Variants in PCDHGB1 observed in about 807,000 individuals in gnomAD.
PCDHGB1 encodes protocadherin gamma-B1.
In PCDHGB1, 34 loss-of-function variants were observed where a neutral mutation model predicts 56.6. The observed-to-expected ratio is 0.60, with a 90% CI of 0.46 to 0.80. The LOEUF is 0.80. Ranked by LOEUF, PCDHGB1 falls within the 30% of genes least tolerant of loss-of-function variation. PCDHGB1 has a pLI of 0.00. For synonymous variants in PCDHGB1, 561 were observed against 505.9 expected, an observed-to-expected ratio of 1.11 and a Z score of -1.46; for missense variants, 1,278 against 1,204.6, an observed-to-expected ratio of 1.06 and a Z score of -0.90.
chr5:141,417,776 C>T (rs2096161387), intron 1 of PCDHGB1: 1 of 1,469,712 alleles, frequency 6.8e-7, no homozygotes, highest in South Asian at 1.4e-5. Context: ...CTCCTCCTGT[C>T]CTGGGCCGAA....
rs1318842373 is a variant in PCDHGB1 at position 141,361,452 on chromosome 5, C to T, written c.2409+8783C>T. 2.3e-5 allele frequency: 37 copies of T among 1,613,918 alleles called. 1 individual carries two copies. The highest frequency in any genetic ancestry group is 2.9e-5 in the Non-Finnish European group (34 of 1,179,910). On this transcript the variant is annotated intron_variant, in intron 1 of 3. Coordinates refer to ENST00000523390, the MANE Select transcript of PCDHGB1 (RefSeq NM_018922.3). The stretch of plus-strand genomic sequence containing the variant: ...CCCTCTCCTCCAGCATAATTGTCAC[C>T]CTGCACATCTCCGACGTCAACGATA...
rs765353257 is a variant in PCDHGB1 at position 141,431,824 on chromosome 5, G to A, written c.2410-62983G>A. On this transcript the variant is annotated intron_variant, in intron 1 of 3. Coordinates refer to ENST00000523390, the MANE Select transcript of PCDHGB1 (RefSeq NM_018922.3). The surrounding 1 kb of genome is among the most constrained non-coding windows in gnomAD (Gnocchi z 4.8). ...TGGTCCTCACCTCTCTCGCCAGCTC[G>A]GTTCCCGAAAACTCTCCCAGAGGGA... is the stretch of plus-strand genomic sequence containing the variant. The A allele has an allele frequency of 1.3e-5, 21 of 1,614,092 alleles. No homozygotes were observed. In the South Asian group the frequency reaches 2.1e-4, roughly 16 times the overall value.
At chr5:141,446,873 A>T (rs1324695415) in intron 1 of PCDHGB1, among the ~76,000 whole-genome samples, 1 of 152,132 alleles carries the variant, frequency 6.6e-6, no homozygotes, top group African/African-American at 2.4e-5. Flanking sequence ...CTACACTGGT[A>T]TGTTTTGGGG....
intron 1 of PCDHGB1, chr5:141,414,476 C>G (rs1242647918): frequency 6.2e-7 from 1 of 1,613,920 alleles, no homozygotes; most frequent in Non-Finnish European, 8.5e-7. Context: ...GGGGGAAGTC[C>G]TCCTCTATCA....
In PCDHGB1 at chr5:141,350,299, G is replaced by C. The variant is rs1758441627; in HGVS notation, c.39G>C (p.Gln13His). The C allele has an allele frequency of 6.6e-7, 1 of 1,519,662 alleles. No individual in the cohort carries two copies. Among genetic ancestry groups the C allele is most frequent in the African/African-American group, 1.4e-5 (1 of 71,742 alleles). The allele number at this position is 1,519,662 out of a possible 1,614,324, so 94.1% of individuals were successfully genotyped here. The stretch of plus-strand genomic sequence containing the variant: ...GAGAAGCCGAAATGATGAAAAGTCA[G>C]GTACTGTTTCCCTTCCTGCTGTCTT... ...RAREAEMMKS[Q>H]VLFPFLLSLF... Residue 13 changes from glutamine to histidine, a missense_variant, in exon 1 of 4, where the codon CAG becomes CAC. By Grantham distance (24) the Gln-to-His change is conservative (BLOSUM62 0). Coordinates refer to ENST00000523390, the MANE Select transcript of PCDHGB1 (RefSeq NM_018922.3).
chr5:141,494,792 C>A lies in PCDHGB1; in HGVS notation c.2410-15C>A. The A allele has an allele frequency of 6.2e-7, 1 of 1,614,132 alleles. No individual in the cohort carries two copies. Among genetic ancestry groups the A allele is most frequent in the East Asian group, 2.2e-5 (1 of 44,878 alleles). Reference sequence around the variant, plus strand: ...TCACGGGTACTCAGCCCCTTTCCCTCTGTTTTCTCCACAGCAAGCCCCGCC... The same window carrying A: ...TCACGGGTACTCAGCCCCTTTCCCTATGTTTTCTCCACAGCAAGCCCCGCC... On this transcript the variant is annotated splice_polypyrimidine_tract_variant and intron_variant, in intron 1 of 3. Transcript: ENST00000523390.
In PCDHGB1 at chr5:141,418,448, C is replaced by T. The variant is rs1240295197; in HGVS notation, c.2409+65779C>T. On this transcript the variant is annotated intron_variant, in intron 1 of 3. Transcript: ENST00000523390. ...TGGCAAATATCCAGAATTAGTATTG[C>T]AGAAGACTCTGGACCGAGAAACGCA... 1.9e-6 allele frequency: 3 copies of T among 1,613,850 alleles called. No homozygotes were observed. The African/African-American group carries it at 4.0e-5, about 22-fold the overall frequency.
rs775918752 is a variant in PCDHGB1 at position 141,375,143 on chromosome 5, A to G, written c.2409+22474A>G. On this transcript the variant is annotated intron_variant, in intron 1 of 3. Transcript: ENST00000523390. Reference sequence around the variant, plus strand: ...AGAAGTGGTTGTTACATCTGGAAGCAGAACAATTGCTGAAAGTGCACCTCC... The same window carrying G: ...AGAAGTGGTTGTTACATCTGGAAGCGGAACAATTGCTGAAAGTGCACCTCC... 20 of 1,613,992 alleles carry G rather than the reference A, an allele frequency of 1.2e-5. No homozygotes were observed. The Admixed American group carries it at 2.8e-4, about 23-fold the overall frequency.
chr5:141,460,430 G>T (rs1163518139), intron 1 of PCDHGB1, among the ~76,000 whole-genome samples: 2 of 152,110 alleles, frequency 1.3e-5, no homozygotes, highest in African/African-American at 4.8e-5. Flanking sequence ...ATGGTGTATG[G>T]TGTGAGGTAA....
intron 1 of PCDHGB1, among the ~76,000 whole-genome samples, chr5:141,462,192 T>C (rs1323806836): frequency 6.6e-6 from 1 of 152,198 alleles, no homozygotes; most frequent in Non-Finnish European, 1.5e-5. Context: ...ACTCCTGACC[T>C]CAGGTGATCC....
chr5:141,499,563 A>C (rs979866448), intron 2 of PCDHGB1, among the ~76,000 whole-genome samples: 3 of 152,242 alleles, frequency 2.0e-5, no homozygotes, highest in Non-Finnish European at 2.9e-5. Context: ...ACCACTATCC[A>C]GCTTCAACTA....
chr5:141,383,979 A>C (rs1388219452), intron 1 of PCDHGB1: 1 of 1,613,678 alleles, frequency 6.2e-7, no homozygotes, highest in Non-Finnish European at 8.5e-7. Context: ...CTGAAGACAC[A>C]CCTCTTGGGA....
At chr5:141,384,904 C>G (rs1780643857) in intron 1 of PCDHGB1, 1 of 1,613,886 alleles carries the variant, frequency 6.2e-7, no homozygotes, top group Admixed American at 1.7e-5. Context: ...TGACAGCATC[C>G]CCGAAGTCTT....
chr5:141,400,319 C>G (rs762588918), intron 1 of PCDHGB1: 1 of 1,613,974 alleles, frequency 6.2e-7, no homozygotes, highest in African/African-American at 1.3e-5. Context: ...TGTGTCAAGT[C>G]TGGACCTGTG....
At chr5:141,448,663 G>A (rs1195703194) in intron 1 of PCDHGB1, among the ~76,000 whole-genome samples, 3 of 151,920 alleles carry the variant, frequency 2.0e-5, no homozygotes, top group African/African-American at 7.3e-5. Flanking sequence ...CATATTGGCC[G>A]GGCGCGGTGG....
In PCDHGB1 at chr5:141,360,085, C is replaced by T. The variant is rs1314618060; in HGVS notation, c.2409+7416C>T. ...GTGACCTTAGCCCGGATTCTGCCAT[C>T]CCCGGAAGGCTTATTCCTCCTATGG... On this transcript the variant is annotated intron_variant, in intron 1 of 3. Coordinates refer to ENST00000523390, the MANE Select transcript of PCDHGB1 (RefSeq NM_018922.3). 3.3e-6 allele frequency: 5 copies of T among 1,492,600 alleles called. No individual in the cohort carries two copies. The African/African-American group carries it at 5.7e-5, about 17-fold the overall frequency. The allele number at this position is 1,492,600 out of a possible 1,614,324, so 92.5% of individuals were successfully genotyped here.
In PCDHGB1 at chr5:141,432,896, G is replaced by A. The variant is rs2097547014; in HGVS notation, c.2410-61911G>A. On this transcript the variant is annotated intron_variant, in intron 1 of 3. Transcript: ENST00000523390. This position sits in a 1 kb window ranked among gnomAD's most constrained non-coding sequence, Gnocchi z 6.0. ...CCTGGCCTTCGTCATCTTGCTGCTG[G>A]CGCTCAGGCTGCGGCGCTGGCACAA... is the stretch of plus-strand genomic sequence containing the variant. 6.2e-7 allele frequency: 1 copy of A among 1,614,056 alleles called. No homozygotes were observed. Among genetic ancestry groups the A allele is most frequent in the African/African-American group, 1.3e-5 (1 of 74,946 alleles).
At chr5:141,383,596 G>T in intron 1 of PCDHGB1, 1 of 1,613,702 alleles carries the variant, frequency 6.2e-7, no homozygotes, top group Non-Finnish European at 8.5e-7. Context: ...GGTGACAGTG[G>T]TGGATGTGAA....
chr5:141,425,217 T>G (rs565640413), intron 1 of PCDHGB1, among the ~76,000 whole-genome samples: 51 of 152,294 alleles, frequency 3.3e-4, no homozygotes, highest in Middle Eastern at 3.4e-3. Flanking sequence ...GCATTGTACT[T>G]TGACTGGAAT....
Sources: gnomAD v4.1 joint callset for allele counts (sites outside exome capture counted in the v4.1 genomes callset) on GRCh38, gnomAD v4.1.1 for gene constraint, Gnocchi (gnomAD v3.1) non-coding constraint, MANE v1.5 for transcripts, NCBI Gene and HGNC (gene_info 2026-07-23, HGNC 2026-07-21) for gene names.